DNAH11: variants seen among roughly 807,000 people sequenced by gnomAD.
DNAH11 encodes the protein axonemal beta dynein heavy chain 11.
In DNAH11, 442 loss-of-function variants were observed where a neutral mutation model predicts 526.0. The observed-to-expected ratio is 0.84, with a 90% CI of 0.78 to 0.91. The LOEUF (loss-of-function observed/expected upper bound fraction) is 0.91. Among genes scored for constraint, DNAH11 ranks in the 40% least tolerant of loss-of-function variants. The pLI, the probability that DNAH11 is intolerant of heterozygous loss-of-function variation, is 0.00. For missense variants in DNAH11, 6,989 were observed against 5,448.7 expected, an observed-to-expected ratio of 1.28 and a Z score of -8.90; for synonymous variants, 2,461 against 1,935.9, an observed-to-expected ratio of 1.27 and a Z score of -7.12.
chr7:21,682,070 G>A (rs1367413394), intron 31 of DNAH11, among the ~76,000 whole-genome samples: 1 of 152,162 alleles, frequency 6.6e-6, no homozygotes, highest in Non-Finnish European at 1.5e-5. Context: ...AACCATGTCT[G>A]TGTGCCTTTG....
At chr7:21,562,423 A>G (rs1320211984) in intron 5 of DNAH11, among the ~76,000 whole-genome samples, 3 of 152,212 alleles carry the variant, frequency 2.0e-5, no homozygotes, top group Non-Finnish European at 2.9e-5. Context: ...TGTAGTAAGT[A>G]TGCTTCAATA....
Position 21,599,873 on chromosome 7 carries a change from C to A in DNAH11, c.2754C>A (p.Gly918=), listed in dbSNP as rs1785004907. ...VEFIDDIVVE[G]FFQAIMHDLD... is the part of the protein sequence containing the mutation. ...TCATTGACGACATTGTGGTGGAAGG[C>A]TTTTTTCAGGCTATAATGCACGACT... is the stretch of plus-strand genomic sequence containing the variant. Residue 918 remains glycine (G), a synonymous_variant, in exon 15 of 82, where the codon GGC becomes GGA. Transcript: ENST00000409508. 6.2e-7 allele frequency: 1 copy of A among 1,610,660 alleles called. No homozygotes were observed. Among genetic ancestry groups the A allele is most frequent in the Admixed American group, 1.7e-5 (1 of 59,804 alleles).
chr7:21,614,252 A>C (rs1785665557), intron 20 of DNAH11, among the ~76,000 whole-genome samples: 1 of 152,234 alleles, frequency 6.6e-6, no homozygotes, highest in Admixed American at 6.5e-5. Context: ...AGAAAATAGA[A>C]AGTGGAAAAA....
intron 30 of DNAH11, among the ~76,000 whole-genome samples, chr7:21,660,948 T>C (rs1399051130): frequency 6.6e-6 from 1 of 152,132 alleles, no homozygotes; most frequent in East Asian, 1.9e-4. Context: ...TATATGGATA[T>C]ACCAGAATTT....
chr7:21,698,452 T>C (rs966860358), intron 36 of DNAH11, among the ~76,000 whole-genome samples: 2 of 152,170 alleles, frequency 1.3e-5, no homozygotes, highest in Admixed American at 1.3e-4. Flanking sequence ...GTGTGTAGTC[T>C]TTTATCCCTC....
chr7:21,631,136 C>T (rs980686109), intron 25 of DNAH11, among the ~76,000 whole-genome samples: 1 of 152,134 alleles, frequency 6.6e-6, no homozygotes, highest in African/African-American at 2.4e-5. Context: ...AAAGCTTGTG[C>T]AGGCAATCTC....
At position 21,600,792 on chromosome 7, in the gene DNAH11, C is replaced by T. The variant is rs760622693; in HGVS notation, c.3117C>T (p.Tyr1039=). The change falls in exon 16 of 82, where the codon TAC becomes TAT. Residue 1039 remains tyrosine, a synonymous_variant. Transcript: ENST00000409508. ...GAAACACCCTGGAGACCCACACTTA[C>T]CTCTGGGTGGATGATCGAGCTGAGT... ...DFRNTLETHT[Y]LWVDDRAEFM... The T allele has an allele frequency of 3.1e-6, 5 of 1,613,778 alleles. No homozygotes were observed. In the African/African-American group the frequency reaches 4.0e-5, roughly 13 times the overall value.
At chr7:21,899,617 C>G (rs1045552992) in intron 80 of DNAH11, among the ~76,000 whole-genome samples, 169 bp downstream of exon 80, 1 of 152,104 alleles carries the variant, frequency 6.6e-6, no homozygotes. Flanking sequence ...CCTGGGCAGG[C>G]GAGTAGCAGC....
In DNAH11 at chr7:21,559,782, T is replaced by C; in HGVS notation, c.872T>C (p.Ile291Thr). 1 of 1,597,260 alleles carries C rather than the reference T, an allele frequency of 6.3e-7. No homozygotes were observed. The highest frequency in any genetic ancestry group is 1.3e-5 in the African/African-American group (1 of 74,788). ...ATGAGGAGAGAAAATCTGTCATGCA[T>C]TTATGATCAAGTAAGTAGATAGCCC... The part of the protein sequence containing the change: ...WMMRRENLSC[I>T]YDQLQAPVVL... Residue 291 changes from isoleucine to threonine, a missense_variant, in exon 4 of 82, where the codon ATT becomes ACT. Transcript: ENST00000409508.
chr7:21,894,830 A>G (rs1784450573), intron 78 of DNAH11, 25 bp downstream of exon 78: 26 of 1,610,736 alleles, frequency 1.6e-5, no homozygotes, highest in Non-Finnish European at 2.1e-5. Context: ...AGGCTATAGT[A>G]GACTTCAGCA....
At chr7:21,815,625 C>A (rs1306404234) in intron 63 of DNAH11, among the ~76,000 whole-genome samples, 1 of 152,114 alleles carries the variant, frequency 6.6e-6, no homozygotes, top group Non-Finnish European at 1.5e-5. Context: ...TTAACCACCC[C>A]ACCAAGCTAG....
chr7:21,650,754 C>T (rs751647827), intron 28 of DNAH11, among the ~76,000 whole-genome samples: 10 of 151,788 alleles, frequency 6.6e-5, no homozygotes, highest in Non-Finnish European at 1.5e-4. Flanking sequence ...ATTCTCCTGC[C>T]TCAGCCTCCA....
chr7:21,629,355 G>C (rs1786493431), intron 25 of DNAH11, among the ~76,000 whole-genome samples: 1 of 152,066 alleles, frequency 6.6e-6, no homozygotes, highest in Non-Finnish European at 1.5e-5. Flanking sequence ...TCCATGTGCT[G>C]ACAAAAAGGA....
At position 21,547,430 on chromosome 7, in the gene DNAH11, G is replaced by T. The variant is rs566574097; in HGVS notation, c.495+2281G>T. On this transcript the variant is annotated intron_variant, in intron 2 of 81. Coordinates refer to ENST00000409508, the MANE Select transcript of DNAH11 (RefSeq NM_001277115.2). The stretch of plus-strand genomic sequence containing the variant: ...GCAAGATCGGGTGTTTAGTAGGCAG[G>T]CACACCCGGGGCAGTTACAGCAGGT... Among the ~76,000 whole-genome samples the T allele has an allele frequency of 2.4e-4, 37 of 152,316 alleles. 1 individual carries two copies. The South Asian group carries it at 5.2e-3, about 21-fold the overall frequency.
chr7:21,690,163 A>C (rs1783552252), intron 34 of DNAH11, among the ~76,000 whole-genome samples: 1 of 152,174 alleles, frequency 6.6e-6, no homozygotes, highest in Non-Finnish European at 1.5e-5. Context: ...TAATATGATT[A>C]TTATTTTTAC....
At chr7:21,880,015 G>A (rs1783855379) in intron 74 of DNAH11, among the ~76,000 whole-genome samples, 1 of 151,254 alleles carries the variant, frequency 6.6e-6, no homozygotes, top group African/African-American at 2.4e-5. Flanking sequence ...AACCCAGGAG[G>A]CAGAGGTTGC....
At chr7:21,788,347 A>C (rs1189740637) in intron 60 of DNAH11, among the ~76,000 whole-genome samples, 1 of 152,184 alleles carries the variant, frequency 6.6e-6, no homozygotes, top group Non-Finnish European at 1.5e-5. Context: ...TGGGGCCCAC[A>C]GGGATAGGAC....
chr7:21,670,030 A>G (rs1210299386), intron 30 of DNAH11, among the ~76,000 whole-genome samples: 2 of 152,104 alleles, frequency 1.3e-5, no homozygotes, highest in Admixed American at 1.3e-4. Context: ...TCTTTTTTAT[A>G]CAACTCTTAC....
At chr7:21,569,271 A>G (rs1270571152) in intron 6 of DNAH11, among the ~76,000 whole-genome samples, 1 of 152,210 alleles carries the variant, frequency 6.6e-6, no homozygotes, top group Non-Finnish European at 1.5e-5. Context: ...TTGAAGGCAC[A>G]CAAATTAAAC....
Sources: gnomAD v4.1 joint callset for allele counts (sites outside exome capture counted in the v4.1 genomes callset) on GRCh38, gnomAD v4.1.1 for gene constraint, MANE v1.5 for transcripts, NCBI Gene and HGNC (gene_info 2026-07-23, HGNC 2026-07-21) for gene names.